Variants in SPATA9 observed in about 807,000 individuals in gnomAD.
SPATA9 encodes the protein spermatogenesis-associated protein 9.
A neutral mutation model predicts 25.5 loss-of-function variants in SPATA9; 27 were observed. The observed-to-expected ratio is 1.06, with a 90% CI of 0.78 to 1.46. The LOEUF is 1.46. SPATA9 is among the 40% of genes most tolerant of loss of function. The pLI is 0.00. For missense variants in SPATA9, 282 were observed against 297.5 expected (o/e 0.95, Z 0.38); for synonymous variants, 102 against 105.7 (o/e 0.97, Z 0.21).
chr5:95,669,645 G>A (rs1580310812), intron 3 of SPATA9, among the ~76,000 whole-genome samples: 1 of 152,316 alleles, frequency 6.6e-6, no homozygotes, highest in Non-Finnish European at 1.5e-5. Context: ...TCTTGGTCCT[G>A]TGGCTCTGCA....
At position 95,658,508 on chromosome 5, in the gene SPATA9, CTTTTT is replaced by C. The variant is rs200414539; in HGVS notation, c.*110_*114del. On this transcript the variant is annotated 3_prime_UTR_variant, in exon 5 of 5. Transcript: ENST00000274432. ...GACATTTTAATAGTAGCCCCCTTCTCTTTTTTTTAAGAAAGCAGAGCAATTCAGAA... is the reference window on the plus strand; with the variant it reads ...GACATTTTAATAGTAGCCCCCTTCTCTTTAAGAAAGCAGAGCAATTCAGAA... 7.5e-7 allele frequency: 1 copy of C among 1,332,456 alleles called. No homozygotes were observed. Among genetic ancestry groups the C allele is most frequent in the African/African-American group, 1.5e-5 (1 of 67,094 alleles). The allele number at this position is 1,332,456 out of a possible 1,614,324, so 82.5% of individuals were successfully genotyped here. A position where few individuals can be genotyped will look rare whatever the true frequency, so the allele number is the denominator to read the frequency against.
chr5:95,675,037 TATACTC>T (rs1405001318), intron 3 of SPATA9, among the ~76,000 whole-genome samples: 2 of 152,182 alleles, frequency 1.3e-5, no homozygotes, highest in African/African-American at 4.8e-5. Context: ...TATAGGTAAA[TATACTC>T]AATATATTAT....
chr5:95,716,359 C>T, the SPATA9 span, among the ~76,000 whole-genome samples: 1 of 152,224 alleles, frequency 6.6e-6, no homozygotes, highest in South Asian at 2.1e-4. Context: ...TCAGTGTGAC[C>T]TGCATGTGAG....
intron 3 of SPATA9, 105 bp downstream of exon 3, chr5:95,675,307 T>G (rs1752817871): frequency 1.1e-6 from 1 of 880,714 alleles, no homozygotes; most frequent in African/African-American, 1.7e-5. Flanking sequence ...CAAGTATATC[T>G]GTTTTACACT....
upstream of SPATA9, among the ~76,000 whole-genome samples, chr5:95,685,859 T>C (rs1753730414): frequency 1.3e-5 from 2 of 152,234 alleles, no homozygotes; most frequent in African/African-American, 4.8e-5. Context: ...TCTTTTGAGA[T>C]GGAGTCTCAC....
upstream of SPATA9, among the ~76,000 whole-genome samples, chr5:95,685,868 A>G (rs1753730929): frequency 1.3e-5 from 2 of 151,980 alleles, no homozygotes; most frequent in African/African-American, 4.8e-5. Flanking sequence ...ATGGAGTCTC[A>G]CTCTCTCACC....
intron 3 of SPATA9, among the ~76,000 whole-genome samples, chr5:95,673,205 T>G (rs1752578019): frequency 6.6e-6 from 1 of 152,130 alleles, no homozygotes; most frequent in Non-Finnish European, 1.5e-5. Context: ...ATTTCAAGGT[T>G]CCTCTCTCCT....
chr5:95,725,274 G>C, the SPATA9 span, among the ~76,000 whole-genome samples: 3 of 152,198 alleles, frequency 2.0e-5, no homozygotes, highest in Non-Finnish European at 4.4e-5. Flanking sequence ...TACAAATGAT[G>C]ATGAATAAAA....
the SPATA9 span, among the ~76,000 whole-genome samples, chr5:95,713,286 T>A: frequency 6.6e-6 from 1 of 151,648 alleles, no homozygotes; most frequent in Admixed American, 6.6e-5. Context: ...CCAGTTGATA[T>A]GGTTTGGATT....
At chr5:95,655,800 A>G (rs1750718312), downstream of SPATA9, 3 of 428,784 alleles carry the variant, frequency 7.0e-6, no homozygotes, top group Non-Finnish European at 8.2e-6. Context: ...CTGCAGTCAC[A>G]TGGTTTAGTT....
At chr5:95,661,455 C>G (rs1751258109) in intron 4 of SPATA9, among the ~76,000 whole-genome samples, 1 of 152,094 alleles carries the variant, frequency 6.6e-6, no homozygotes, top group South Asian at 2.1e-4. Flanking sequence ...AAATTTGTTT[C>G]TATTACCTGC....
chr5:95,730,352 G>A, the SPATA9 span, among the ~76,000 whole-genome samples: 1 of 152,324 alleles, frequency 6.6e-6, no homozygotes, highest in East Asian at 1.9e-4. Context: ...TAAGGTACTG[G>A]TTAGAATTTT....
chr5:95,696,118 C>G (rs940646200), intron 1 of SPATA9, among the ~76,000 whole-genome samples: 1 of 152,146 alleles, frequency 6.6e-6, no homozygotes, highest in Non-Finnish European at 1.5e-5. Context: ...ATGACTGTCA[C>G]CCCACTGACA....
the SPATA9 span, among the ~76,000 whole-genome samples, chr5:95,724,891 T>C: frequency 4.6e-5 from 7 of 152,116 alleles, no homozygotes; most frequent in African/African-American, 1.7e-4. Context: ...TACTTAAGTA[T>C]ATAAAGAATT....
intron 3 of SPATA9, among the ~76,000 whole-genome samples, chr5:95,668,182 A>G (rs1484515613): frequency 2.6e-5 from 4 of 152,226 alleles, no homozygotes; most frequent in Non-Finnish European, 5.9e-5. Context: ...GTTTTATTAC[A>G]TCTTTCTTTC....
At chr5:95,730,939 T>C in the SPATA9 span, 1 of 467,924 alleles carries the variant, frequency 2.1e-6, no homozygotes, top group South Asian at 1.5e-5. Flanking sequence ...GGAAATCGGG[T>C]TGCTGGGGCG....
At chr5:95,654,195 A>C (rs772534551), downstream of SPATA9, 8 of 1,613,000 alleles carry the variant, frequency 5.0e-6, no homozygotes, top group South Asian at 1.1e-5. Flanking sequence ...GTCATTTTCT[A>C]CCACAAGGGA....
At chr5:95,725,794 A>T in the SPATA9 span, among the ~76,000 whole-genome samples, 1 of 151,222 alleles carries the variant, frequency 6.6e-6, no homozygotes, top group Admixed American at 6.6e-5. Context: ...TTGTAATGTT[A>T]GCTTGGAATT....
the SPATA9 span, among the ~76,000 whole-genome samples, chr5:95,730,370 T>C: frequency 6.6e-6 from 1 of 152,196 alleles, no homozygotes; most frequent in Non-Finnish European, 1.5e-5. Context: ...TTTAATACTG[T>C]ATGGAGGAGT....
Sources: allele counts gnomAD v4.1 joint callset (sites outside exome capture counted in the v4.1 genomes callset), GRCh38; gene constraint gnomAD v4.1.1; transcripts MANE v1.5; gene names NCBI Gene and HGNC (gene_info 2026-07-23, HGNC 2026-07-21).